FANK1: variants seen among roughly 807,000 people sequenced by gnomAD.
FANK1 encodes fibronectin type III and ankyrin repeat domains 1.
In FANK1, 44 loss-of-function variants were observed where a neutral mutation model predicts 45.3. The observed-to-expected ratio is 0.97, with a 90% CI of 0.76 to 1.25. The LOEUF (loss-of-function observed/expected upper bound fraction) is 1.25. Ranked by LOEUF, FANK1 falls within the 50% of genes most tolerant of loss-of-function variation. The pLI is 0.00. For synonymous variants in FANK1, 149 were observed against 152.5 expected, an observed-to-expected ratio of 0.98 and a Z score of 0.17; for missense variants, 391 against 424.4, an observed-to-expected ratio of 0.92 and a Z score of 0.69.
intron 1 of FANK1, among the ~76,000 whole-genome samples, chr10:125,967,307 C>T (rs371894711): frequency 4.5e-4 from 68 of 152,230 alleles, no homozygotes; most frequent in East Asian, 2.7e-3. Context: ...ATGGACTCCC[C>T]GGCAAATTAT....
intron 1 of FANK1, among the ~76,000 whole-genome samples, chr10:125,977,754 T>C (rs895115328): frequency 1.3e-5 from 2 of 152,152 alleles, no homozygotes; most frequent in Non-Finnish European, 1.5e-5. Flanking sequence ...GGGTTCCCTG[T>C]CTGGTGATGA....
In FANK1 at chr10:126,009,557, C is replaced by A; in HGVS notation, c.*119C>A. The A allele has an allele frequency of 9.8e-7, 1 of 1,019,234 alleles. No homozygotes were observed. Among genetic ancestry groups the A allele is most frequent in the Non-Finnish European group, 1.4e-6 (1 of 694,282 alleles). 63.1% of individuals were successfully genotyped at this position (1,019,234 alleles called of 1,614,324 possible). On this transcript the variant is annotated 3_prime_UTR_variant, in exon 11 of 11. Coordinates refer to ENST00000368693, the MANE Select transcript of FANK1 (RefSeq NM_145235.5). ...ACATTTATTTATTTAGTTGAAGATT[C>A]ACTGATCCCACTTTGAAATACATCT...
intron 1 of FANK1, among the ~76,000 whole-genome samples, chr10:125,900,051 A>G (rs1268685250): frequency 6.6e-6 from 1 of 152,288 alleles, no homozygotes; most frequent in Admixed American, 6.5e-5. Context: ...AAATCCAATA[A>G]ACATAAACTC....
At chr10:125,991,880 G>A (rs1278595851) in intron 3 of FANK1, among the ~76,000 whole-genome samples, 2 of 152,116 alleles carry the variant, frequency 1.3e-5, no homozygotes, top group African/African-American at 4.8e-5. Flanking sequence ...CCCTCTTAGA[G>A]AACATGAGCG....
chr10:125,980,187 C>T lies in FANK1; in HGVS notation c.40C>T (p.Pro14Ser). Residue 14 changes from proline to serine, a missense_variant, in exon 2 of 11, where the codon CCA becomes TCA. Physicochemically the swap from Pro to Ser is moderately conservative, Grantham distance 74 (BLOSUM62 -1). Coordinates refer to ENST00000368693, the MANE Select transcript of FANK1 (RefSeq NM_145235.5). The stretch of plus-strand genomic sequence containing the variant: ...AATCATGCCACCCTCAAAGCCTCAT[C>T]CACCTGTCGTGGGCAAAGTGACTCA... The part of the protein sequence containing the change: ...QKIMPPSKPH[P>S]PVVGKVTHHS... 1.2e-6 allele frequency: 2 copies of T among 1,612,608 alleles called. No homozygotes were observed. Among genetic ancestry groups the T allele is most frequent in the African/African-American group, 1.3e-5 (1 of 74,938 alleles).
chr10:125,933,929 A>G (rs1205661985), intron 1 of FANK1, among the ~76,000 whole-genome samples: 1 of 152,054 alleles, frequency 6.6e-6, no homozygotes, highest in Non-Finnish European at 1.5e-5. Context: ...ACTTCCGTGT[A>G]TTTGCATTGT....
chr10:125,995,317 T>G, intron 3 of FANK1, 100 bp from the exon 4 acceptor site: 1 of 1,053,934 alleles, frequency 9.5e-7, no homozygotes, highest in Non-Finnish European at 1.5e-6. Flanking sequence ...GCCAAGCGCC[T>G]TCCTGAAGAT....
intron 1 of FANK1, among the ~76,000 whole-genome samples, chr10:125,929,463 A>G (rs1056460281): frequency 1.2e-4 from 18 of 152,180 alleles, no homozygotes; most frequent in Non-Finnish European, 2.9e-5. Flanking sequence ...CAAATAAGTG[A>G]AACTTCGGAG....
chr10:125,976,239 C>T (rs1405824330), intron 1 of FANK1, among the ~76,000 whole-genome samples: 3 of 151,918 alleles, frequency 2.0e-5, no homozygotes, highest in Non-Finnish European at 2.9e-5. Context: ...TCTCTAGCTG[C>T]CTTTAACATT....
At position 126,004,912 on chromosome 10, in the gene FANK1, C is replaced by G; in HGVS notation, c.568C>G (p.Leu190Val). 2 of 1,614,158 alleles carry G rather than the reference C, an allele frequency of 1.2e-6. No individual in the cohort carries two copies. Among genetic ancestry groups the G allele is most frequent in the Non-Finnish European group, 1.7e-6 (2 of 1,180,022 alleles). The change falls in exon 7 of 11, where the codon CTA becomes GTA. Residue 190 changes from leucine to valine, a missense_variant. Leu to Val is a conservative substitution (Grantham distance 32). Transcript: ENST00000368693. The part of the protein sequence containing the change: ...SLMLACYAGH[L>V]DVVKYLRRHG... ...AATGCTGGCGTGCTATGCGGGACAC[C>G]TAGATGTTGTGAAATATCTCCGAAG...
intron 1 of FANK1, among the ~76,000 whole-genome samples, chr10:125,950,355 G>A (rs913238790): frequency 1.2e-4 from 18 of 147,334 alleles, no homozygotes; most frequent in Middle Eastern, 3.4e-3. Flanking sequence ...GAAAATTTTC[G>A]CAACCTACTC....
intron 1 of FANK1, among the ~76,000 whole-genome samples, chr10:125,906,855 T>G (rs1375646768): frequency 6.6e-6 from 1 of 152,210 alleles, no homozygotes. Context: ...GATTACATCT[T>G]CAATTATTTT....
chr10:125,954,895 T>C (rs1436174392), intron 1 of FANK1, among the ~76,000 whole-genome samples: 5 of 151,970 alleles, frequency 3.3e-5, no homozygotes, highest in African/African-American at 1.2e-4. Flanking sequence ...CAATCCAGCC[T>C]GGGCAACAGA....
At chr10:125,995,561 C>A in intron 4 of FANK1, 63 bp downstream of exon 4, 1 of 1,463,612 alleles carries the variant, frequency 6.8e-7, no homozygotes, top group Non-Finnish European at 9.6e-7. Flanking sequence ...GAAATACATG[C>A]AGTAGTTTCA....
intron 1 of FANK1, among the ~76,000 whole-genome samples, chr10:125,970,835 C>T (rs551256219): frequency 5.3e-5 from 8 of 152,002 alleles, no homozygotes; most frequent in East Asian, 3.9e-4. Flanking sequence ...AGGGGAAGAC[C>T]GTGGAAAGCA....
chr10:125,986,106 G>A (rs2366349), intron 2 of FANK1, among the ~76,000 whole-genome samples: 63,074 of 152,036 alleles, frequency 0.41, 13,278 homozygotes, highest in South Asian at 0.47. Context: ...CGGGGATGGT[G>A]GAGACTGTGG....
chr10:125,984,054 A>G (rs1379986555), intron 2 of FANK1, among the ~76,000 whole-genome samples: 1 of 152,152 alleles, frequency 6.6e-6, no homozygotes, highest in Non-Finnish European at 1.5e-5. Flanking sequence ...GGGATGTGAG[A>G]TACGGGATGT....
chr10:125,967,661 T>C (rs1312173428), intron 1 of FANK1, among the ~76,000 whole-genome samples: 2 of 152,164 alleles, frequency 1.3e-5, no homozygotes, highest in Non-Finnish European at 2.9e-5. Context: ...TGGGATGCAG[T>C]GGTACAATCA....
chr10:125,977,563 A>T (rs932982442), intron 1 of FANK1, among the ~76,000 whole-genome samples: 9 of 152,046 alleles, frequency 5.9e-5, no homozygotes, highest in East Asian at 1.9e-4. Flanking sequence ...TGCCCACTGC[A>T]GCTCTGGGGT....
Sources: gnomAD v4.1 joint callset for allele counts (sites outside exome capture counted in the v4.1 genomes callset) on GRCh38, gnomAD v4.1.1 for gene constraint, MANE v1.5 for transcripts, NCBI Gene and HGNC (gene_info 2026-07-23, HGNC 2026-07-21) for gene names.